ZC3H12B: variants seen among roughly 807,000 people sequenced by gnomAD.
The protein encoded by ZC3H12B is probable ribonuclease ZC3H12B.
In ZC3H12B, 7 loss-of-function variants were observed where a neutral mutation model predicts 43.9. The observed-to-expected ratio is 0.16, with a 90% CI of 0.09 to 0.30. The LOEUF is 0.30. Among genes scored for constraint, ZC3H12B ranks in the 10% least tolerant of loss-of-function variants. The pLI, the probability that ZC3H12B is intolerant of heterozygous loss-of-function variation, is 1.00. For synonymous variants in ZC3H12B, 222 were observed against 241.7 expected (o/e 0.92, Z 0.76); for missense variants, 475 against 670.2 (o/e 0.71, Z 3.22).
At chrX:65,042,954 CACTT>C in the ZC3H12B span, among the ~76,000 whole-genome samples, 1 of 111,288 alleles carries the variant, frequency 9.0e-6, no homozygotes, top group Non-Finnish European at 1.9e-5. Context: ...TCATTATTCT[CACTT>C]AATCAGCACA....
chrX:65,449,083 G>A (rs993067185), intron 3 of ZC3H12B, among the ~76,000 whole-genome samples: 9 of 107,974 alleles, frequency 8.3e-5, no homozygotes, highest in African/African-American at 3.1e-4. Context: ...AAGAAAGAAA[G>A]AGAAACAGAA....
intron 3 of ZC3H12B, among the ~76,000 whole-genome samples, chrX:65,417,013 T>C (rs2066970445): frequency 8.9e-6 from 1 of 111,963 alleles, no homozygotes; most frequent in African/African-American, 3.2e-5. Flanking sequence ...GCCTTGATTT[T>C]TTAACCCATT....
chrX:65,318,420 CTT>C, the ZC3H12B span, among the ~76,000 whole-genome samples: 1 of 93,121 alleles, frequency 1.1e-5, no homozygotes, highest in African/African-American at 3.9e-5. Flanking sequence ...CTTCTTTCTC[CTT>C]TTTTTTTTTG....
the ZC3H12B span, among the ~76,000 whole-genome samples, chrX:65,239,531 C>A: frequency 9.0e-6 from 1 of 110,550 alleles, no homozygotes; most frequent in Admixed American, 9.6e-5. Context: ...ACTCTTTATC[C>A]AGCTTGCCAT....
At chrX:65,395,297 G>A (rs2066681760) in intron 2 of ZC3H12B, among the ~76,000 whole-genome samples, 1 of 111,875 alleles carries the variant, frequency 8.9e-6, no homozygotes, top group Non-Finnish European at 1.9e-5. Flanking sequence ...TTTTCAAAGG[G>A]AATTCTTCCA....
At chrX:65,210,076 A>G in the ZC3H12B span, among the ~76,000 whole-genome samples, 2 of 26,521 alleles carry the variant, frequency 7.5e-5, no homozygotes, top group Non-Finnish European at 5.0e-5. Context: ...ATGGGATCTA[A>G]TTAAACTAAA....
chrX:65,462,816 C>T, intron 3 of ZC3H12B, among the ~76,000 whole-genome samples: 1 of 112,285 alleles, frequency 8.9e-6, no homozygotes, highest in African/African-American at 3.2e-5. Flanking sequence ...CACGTGCACT[C>T]GCATGTTCAT....
chrX:65,171,024 A>T, the ZC3H12B span, among the ~76,000 whole-genome samples: 2 of 112,066 alleles, frequency 1.8e-5, no homozygotes, highest in East Asian at 5.6e-4. Context: ...CGATTGTGTG[A>T]AGCCTTCTTC....
rs1339313429 is a variant in ZC3H12B at position 65,435,699 on chromosome X, T to TAGATAGAC, written n.407+36998_407+36999insTAGACAGA. Reference sequence around the variant, plus strand: ...ATAGATAGATAGATAGATAGATAGATAGACAGTCAGATAGATGAGAGGGGA... The same window carrying TAGATAGAC: ...ATAGATAGATAGATAGATAGATAGATAGATAGACAGACAGTCAGATAGATGAGAGGGGA... On this transcript the variant is annotated intron_variant and non_coding_transcript_variant, in intron 3 of 5. Transcript: ENST00000617377. Among the ~76,000 whole-genome samples the TAGATAGAC allele has an allele frequency of 3.8e-5, 4 of 105,142 alleles. No homozygotes were observed. The East Asian group carries it at 8.9e-4, about 23-fold the overall frequency. The allele number at this position is 105,142 out of a possible 115,157, so 91.3% of individuals were successfully genotyped here. A position where few individuals can be genotyped will look rare whatever the true frequency, so the allele number is the denominator to read the frequency against.
chrX:65,318,644 T>A, the ZC3H12B span, among the ~76,000 whole-genome samples: 1 of 111,266 alleles, frequency 9.0e-6, no homozygotes, highest in Non-Finnish European at 1.9e-5. Context: ...CGTCTTGAAC[T>A]CCTGACCTAA....
the ZC3H12B span, among the ~76,000 whole-genome samples, chrX:65,109,189 A>G: frequency 9.0e-6 from 1 of 111,535 alleles, no homozygotes; most frequent in South Asian, 3.7e-4. Flanking sequence ...CTTTGGGGAC[A>G]CCTTTACTGA....
At chrX:65,460,166 T>A (rs1425043822) in intron 3 of ZC3H12B, among the ~76,000 whole-genome samples, 5 of 111,619 alleles carry the variant, frequency 4.5e-5, no homozygotes, top group African/African-American at 1.6e-4. Flanking sequence ...GTGAAGGACC[T>A]CTTCAAGGAG....
the ZC3H12B span, among the ~76,000 whole-genome samples, chrX:65,163,302 G>A: frequency 9.0e-6 from 1 of 111,462 alleles, no homozygotes; most frequent in Non-Finnish European, 1.9e-5. Flanking sequence ...CTTCAACGCT[G>A]TCAGACAGGG....
the ZC3H12B span, among the ~76,000 whole-genome samples, chrX:65,295,562 C>A: frequency 1.2e-4 from 13 of 110,837 alleles, no homozygotes; most frequent in African/African-American, 4.2e-4. Context: ...CAGATCAGAG[C>A]AGAACTAAAT....
At chrX:65,246,481 G>T in the ZC3H12B span, among the ~76,000 whole-genome samples, 1 of 111,742 alleles carries the variant, frequency 8.9e-6, no homozygotes, top group South Asian at 3.7e-4. Context: ...GAATAAAGCT[G>T]GAGGCATAAT....
At chrX:65,446,754 A>G (rs749691264) in intron 3 of ZC3H12B, among the ~76,000 whole-genome samples, 9 of 112,051 alleles carry the variant, frequency 8.0e-5, no homozygotes, top group East Asian at 2.8e-4. Flanking sequence ...TCGCAATTCA[A>G]GATTTTCTTT....
chrX:65,406,260 C>T (rs1289259535), intron 3 of ZC3H12B, among the ~76,000 whole-genome samples: 1 of 107,950 alleles, frequency 9.3e-6, no homozygotes, highest in Non-Finnish European at 1.9e-5. Context: ...ACTAGCAAAA[C>T]CGAATTCAAT....
At chrX:65,361,132 C>A in the ZC3H12B span, among the ~76,000 whole-genome samples, 2 of 111,796 alleles carry the variant, frequency 1.8e-5, no homozygotes, top group African/African-American at 6.5e-5. Flanking sequence ...TCTTTCTTCA[C>A]ATGTGTTATC....
the ZC3H12B span, among the ~76,000 whole-genome samples, chrX:65,160,918 A>T: frequency 1.8e-5 from 2 of 110,475 alleles, no homozygotes; most frequent in Non-Finnish European, 3.8e-5. Flanking sequence ...ATTTCCCTCT[A>T]CACAGTGCTT....
Sources: allele counts gnomAD v4.1 joint callset (sites outside exome capture counted in the v4.1 genomes callset), GRCh38; gene constraint gnomAD v4.1.1; transcripts MANE v1.5; gene names NCBI Gene and HGNC (gene_info 2026-07-23, HGNC 2026-07-21).